TRIP4: variants seen among roughly 807,000 people sequenced by gnomAD.
TRIP4 encodes the protein thyroid hormone receptor interactor 4, also known as activating signal cointegrator 1.
Under a neutral mutation model 81.8 loss-of-function variants are expected in TRIP4, and 54 were observed. The ratio of observed to expected loss-of-function variants is 0.66; its 90% CI spans 0.53 to 0.83. TRIP4 has a LOEUF of 0.83. TRIP4 is among the 40% of genes least tolerant of loss of function. The probability of loss-of-function intolerance (pLI) is 0.00; values close to 1 mark genes in which losing one functional copy is unlikely to be tolerated. For synonymous variants in TRIP4, 270 were observed against 242.8 expected, an observed-to-expected ratio of 1.11 and a Z score of -1.04; for missense variants, 662 against 683.6, an observed-to-expected ratio of 0.97 and a Z score of 0.35.
intron 2 of TRIP4, 23 bp from the exon 3 acceptor site, chr15:64,395,374 AT>A (rs760500552): frequency 0.029 from 30,129 of 1,034,126 alleles, 3 homozygotes; most frequent in South Asian, 0.045. Context: ...GTGTGTGTGT[AT>A]TTTTTTTTTT....
intron 12 of TRIP4, among the ~76,000 whole-genome samples, chr15:64,446,973 G>A (rs190755709): frequency 2.6e-5 from 4 of 151,924 alleles, no homozygotes; most frequent in African/African-American, 4.8e-5. Flanking sequence ...GCATGGTAGC[G>A]GGCACCTGTA....
In TRIP4 at chr15:64,453,213, C is replaced by T. The variant is rs181258584; in HGVS notation, c.1679-1784C>T. ...AGTCTTTCAACTTATGCAATACAGA[C>T]GACTGGATGTCTGGAGTCCTAGATG... On this transcript the variant is annotated intron_variant, in intron 12 of 12. Transcript: ENST00000261884. Among the ~76,000 whole-genome samples the T allele has an allele frequency of 5.9e-5, 9 of 152,192 alleles. No homozygotes were observed. The East Asian group carries it at 1.2e-3, about 20-fold the overall frequency.
At chr15:64,445,134 G>T (rs79702002) in intron 12 of TRIP4, 26 bp downstream of exon 12, 1 of 1,306,528 alleles carries the variant, frequency 7.7e-7, no homozygotes, top group Non-Finnish European at 1.1e-6. Flanking sequence ...TTTTCTTTAA[G>T]ACTAGTCAAG....
chr15:64,407,396 G>A (rs765932199), intron 6 of TRIP4, among the ~76,000 whole-genome samples: 2 of 152,006 alleles, frequency 1.3e-5, no homozygotes, highest in East Asian at 1.9e-4. Context: ...AGCCGGGCAC[G>A]GTGGCTCACA....
chr15:64,406,258 C>T (rs1891619478), intron 5 of TRIP4, 72 bp from the exon 6 acceptor site: 1 of 1,565,202 alleles, frequency 6.4e-7, no homozygotes, highest in Non-Finnish European at 8.7e-7. Flanking sequence ...ATGTTTTGTT[C>T]TTTGTTGCAC....
At chr15:64,452,960 G>A (rs1892804939) in intron 12 of TRIP4, among the ~76,000 whole-genome samples, 1 of 151,970 alleles carries the variant, frequency 6.6e-6, no homozygotes, top group Non-Finnish European at 1.5e-5. Context: ...GTGGGGTGGG[G>A]GATTGCTTGA....
rs552558752 is a variant in TRIP4, at chr15:64,447,544, A to G, written c.1678+2436A>G. Among the ~76,000 whole-genome samples the G allele has an allele frequency of 2.0e-5, 3 of 152,342 alleles. No individual in the cohort carries two copies. The South Asian group carries it at 6.2e-4, about 32-fold the overall frequency. On this transcript the variant is annotated intron_variant, in intron 12 of 12. Transcript: ENST00000261884. ...TTAGAGTAGGAATTTATATTAATGT[A>G]TATTTACTGCAAAATTCAGGCAACA...
In TRIP4 at chr15:64,422,447, A is replaced by G. The variant is rs531846707; in HGVS notation, c.1359-1584A>G. ...TTTCTCTATTGTGTTAAGGTGCACT[A>G]CACCTTTTCTCCCCTCTTGAAGGTC... On this transcript the variant is annotated intron_variant, in intron 9 of 12. Transcript: ENST00000261884. 1.4e-4 allele frequency among the ~76,000 whole-genome samples: 22 copies of G among 152,292 alleles called. No individual in the cohort carries two copies. The East Asian group carries it at 4.2e-3, about 29-fold the overall frequency.
At chr15:64,438,464 C>A (rs1892448413) in intron 11 of TRIP4, among the ~76,000 whole-genome samples, 1 of 152,216 alleles carries the variant, frequency 6.6e-6, no homozygotes, top group African/African-American at 2.4e-5. Context: ...GGATTACAGG[C>A]ATGCACCATC....
chr15:64,391,103 G>A (rs1900114188), intron 1 of TRIP4, among the ~76,000 whole-genome samples: 2 of 151,978 alleles, frequency 1.3e-5, no homozygotes, highest in African/African-American at 2.4e-5. Context: ...GTACTAACTT[G>A]AACAATTTTA....
chr15:64,392,899 G>C (rs1378069196), intron 1 of TRIP4, among the ~76,000 whole-genome samples: 3 of 152,020 alleles, frequency 2.0e-5, no homozygotes, highest in Non-Finnish European at 4.4e-5. Context: ...ACAGGCATGG[G>C]CTCCCGAACC....
chr15:64,418,689 A>G lies in TRIP4; in HGVS notation c.1319A>G (p.His440Arg). The part of the protein sequence containing the change: ...GFDGGWCLSV[H>R]QPWASLLVRG... Reference sequence around the variant, plus strand: ...GATGGTGGCTGGTGCCTCTCTGTACATCAGCCCTGGGCTTCTCTGCTTGTC... The same window carrying G: ...GATGGTGGCTGGTGCCTCTCTGTACGTCAGCCCTGGGCTTCTCTGCTTGTC... The change falls in exon 9 of 13, where the codon CAT (histidine) becomes CGT (arginine). Residue 440 changes from histidine to arginine, a missense_variant. His to Arg is a conservative substitution (Grantham distance 29, BLOSUM62 0). Transcript: ENST00000261884. The G allele has an allele frequency of 6.2e-7, 1 of 1,614,006 alleles. No homozygotes were observed. Among genetic ancestry groups the G allele is most frequent in the Non-Finnish European group, 8.5e-7 (1 of 1,179,992 alleles).
Position 64,403,180 on chromosome 15 carries a change from G to A in TRIP4, c.697+2359G>A, listed in dbSNP as rs144922216. On this transcript the variant is annotated intron_variant, in intron 5 of 12. Coordinates refer to ENST00000261884, the MANE Select transcript of TRIP4 (RefSeq NM_016213.5). ...CCCCTATTTTTAATTTTTTTTAGAC[G>A]GAGTCTCGCTCTTTCGCCCGGGCTG... is the stretch of plus-strand genomic sequence containing the variant. Among the ~76,000 whole-genome samples, 1,272 of 145,242 alleles carry A rather than the reference G, an allele frequency of 8.8e-3. 15 individuals carry two copies. The highest frequency in any genetic ancestry group is 0.031 in the African/African-American group (1,196 of 38,940).
rs72741304 is a variant in TRIP4, at chr15:64,400,950, G to T, written c.697+129G>T. On this transcript the variant is annotated intron_variant, in intron 5 of 12. Coordinates refer to ENST00000261884, the MANE Select transcript of TRIP4 (RefSeq NM_016213.5). ...CACTCATTCTCAGTTTTTTTGGGGG[G>T]TTTTTTTTGTTTTGTTTTGTTTTGT... 1.2e-3 allele frequency: 783 copies of T among 633,658 alleles called. 1 individual carries two copies. The highest frequency in any genetic ancestry group is 3.4e-3 in the East Asian group (113 of 33,688). 39.3% of individuals were successfully genotyped at this position (633,658 alleles called of 1,614,324 possible).
chr15:64,413,458 C>T (rs1323353956), intron 7 of TRIP4, among the ~76,000 whole-genome samples: 9 of 152,034 alleles, frequency 5.9e-5, no homozygotes, highest in Admixed American at 6.5e-5. Flanking sequence ...ATTACAGGCA[C>T]GAGCCACCAC....
At chr15:64,396,485 G>T (rs1037958464) in intron 3 of TRIP4, among the ~76,000 whole-genome samples, 1 of 151,778 alleles carries the variant, frequency 6.6e-6, no homozygotes, top group African/African-American at 2.4e-5. Context: ...CACCATGTTG[G>T]CCAGGCTGGT....
At chr15:64,405,039 G>C (rs755013646) in intron 5 of TRIP4, among the ~76,000 whole-genome samples, 3 of 151,794 alleles carry the variant, frequency 2.0e-5, no homozygotes, top group Non-Finnish European at 4.4e-5. Flanking sequence ...CTCTTTTCTG[G>C]GATATACAAA....
At chr15:64,436,607 G>T (rs1183087017) in intron 11 of TRIP4, among the ~76,000 whole-genome samples, 1 of 150,666 alleles carries the variant, frequency 6.6e-6, no homozygotes, top group East Asian at 1.9e-4. Context: ...AAAAATCTCA[G>T]ATGTTACTCT....
intron 11 of TRIP4, among the ~76,000 whole-genome samples, chr15:64,431,031 C>A (rs1892259003): frequency 6.6e-6 from 1 of 151,868 alleles, no homozygotes; most frequent in African/African-American, 2.4e-5. Context: ...CAGGAAGATT[C>A]CAAGTATCAC....
Sources: allele counts gnomAD v4.1 joint callset (sites outside exome capture counted in the v4.1 genomes callset), GRCh38; gene constraint gnomAD v4.1.1; transcripts MANE v1.5; gene names NCBI Gene and HGNC (gene_info 2026-07-23, HGNC 2026-07-21).